ANGPT1: variants seen among roughly 807,000 people sequenced by gnomAD.
The protein encoded by ANGPT1 is angiopoietin 1.
Under a neutral mutation model 62.2 loss-of-function variants are expected in ANGPT1, and 17 were observed. That is an observed-to-expected ratio of 0.27 (90% confidence interval 0.19 to 0.41). The LOEUF is 0.41. Ranked by LOEUF, ANGPT1 falls within the 10% of genes least tolerant of loss-of-function variation. The pLI is 1.00. For synonymous variants in ANGPT1, 199 were observed against 198.9 expected (o/e 1.00, Z 0.00); for missense variants, 478 against 594.9 (o/e 0.80, Z 2.04).
At chr8:107,491,693 G>A (rs568308303) in intron 1 of ANGPT1, among the ~76,000 whole-genome samples, 1 of 152,276 alleles carries the variant, frequency 6.6e-6, no homozygotes, top group East Asian at 1.9e-4. Context: ...GTCGTTTGAA[G>A]GTAGTAAATG....
At position 107,249,710 on chromosome 8, in the gene ANGPT1, G is replaced by C. The variant is rs1311326241; in HGVS notation, c.*2145C>G. On this transcript the variant is annotated 3_prime_UTR_variant, in exon 9 of 9. Transcript: ENST00000517746. ...TATACTGATTTATTATAAATAATTG[G>C]AAACAATATTTCATTTCTCAAACCC... is the stretch of plus-strand genomic sequence containing the variant. The C allele has an allele frequency of 6.6e-6, 1 of 151,892 alleles. No individual in the cohort carries two copies. The highest frequency in any genetic ancestry group is 1.5e-5 in the Non-Finnish European group (1 of 67,942). The allele number at this position is 151,892 out of a possible 1,614,324, so 9.4% of individuals were successfully genotyped here.
At position 107,333,944 on chromosome 8, in the gene ANGPT1, A is replaced by C. The variant is rs57857219; in HGVS notation, c.575+2206T>G. Among the ~76,000 whole-genome samples, 9 of 142,272 alleles carry C rather than the reference A, an allele frequency of 6.3e-5. 1 individual carries two copies. Among genetic ancestry groups the C allele is most frequent in the Admixed American group, 2.1e-4 (3 of 14,188 alleles). The allele number at this position is 142,272 out of a possible 152,430, so 93.3% of individuals were successfully genotyped here. On this transcript the variant is annotated intron_variant, in intron 3 of 8. Coordinates refer to ENST00000517746, the MANE Select transcript of ANGPT1 (RefSeq NM_001146.5). ...AGAGAAAGAAAGAAAGAAAGAAAGA[A>C]AAAGAAAGAAAGAAAAGAAAGAAAG...
intron 1 of ANGPT1, among the ~76,000 whole-genome samples, chr8:107,455,714 G>A (rs967455386): frequency 1.3e-5 from 2 of 152,068 alleles, no homozygotes; most frequent in East Asian, 1.9e-4. Flanking sequence ...TTTTGTTTTC[G>A]TTGTTAAATA....
intron 8 of ANGPT1, among the ~76,000 whole-genome samples, chr8:107,261,482 G>A (rs1813489914): frequency 6.6e-6 from 1 of 151,994 alleles, no homozygotes; most frequent in South Asian, 2.1e-4. Flanking sequence ...GAGGCGGTCG[G>A]ATCATGAGGT....
chr8:107,348,204 G>C (rs977084555), intron 1 of ANGPT1, among the ~76,000 whole-genome samples: 3 of 152,084 alleles, frequency 2.0e-5, no homozygotes, highest in African/African-American at 7.2e-5. Flanking sequence ...ATGACAAGTC[G>C]TGCTTCACAA....
intron 1 of ANGPT1, among the ~76,000 whole-genome samples, chr8:107,444,953 T>C (rs1285356879): frequency 3.9e-5 from 6 of 152,210 alleles, no homozygotes; most frequent in Admixed American, 1.3e-4. Flanking sequence ...CAAATTAACA[T>C]ATCTTGAGAT....
intron 7 of ANGPT1, among the ~76,000 whole-genome samples, chr8:107,271,323 T>C (rs1260845022): frequency 6.6e-6 from 1 of 152,084 alleles, no homozygotes; most frequent in East Asian, 1.9e-4. Flanking sequence ...AAAAGACTGC[T>C]GCATGCAAAA....
chr8:107,469,336 T>C (rs1295496993), intron 1 of ANGPT1, among the ~76,000 whole-genome samples: 1 of 152,086 alleles, frequency 6.6e-6, no homozygotes, highest in African/African-American at 2.4e-5. Flanking sequence ...ACTTGATTGA[T>C]ATTCAGTTCC....
At chr8:107,311,936 C>T (rs1586212443) in intron 4 of ANGPT1, among the ~76,000 whole-genome samples, 1 of 151,954 alleles carries the variant, frequency 6.6e-6, no homozygotes, top group South Asian at 2.1e-4. Flanking sequence ...TGGTGGCGGG[C>T]GCCTGTAGTC....
At chr8:107,356,552 TA>T (rs892447462) in intron 1 of ANGPT1, among the ~76,000 whole-genome samples, 18 of 150,706 alleles carry the variant, frequency 1.2e-4, no homozygotes, top group African/African-American at 2.2e-4. Flanking sequence ...TCCTTTAATA[TA>T]AAAAAAAATA....
intron 1 of ANGPT1, among the ~76,000 whole-genome samples, chr8:107,476,542 C>T (rs113972799): frequency 0.12 from 17,972 of 152,038 alleles, 1,235 homozygotes; most frequent in Non-Finnish European, 0.16. Context: ...ACATATGTAA[C>T]AAACCTGCAC....
At chr8:107,459,375 C>A (rs1019369613) in intron 1 of ANGPT1, among the ~76,000 whole-genome samples, 1 of 151,980 alleles carries the variant, frequency 6.6e-6, no homozygotes, top group African/African-American at 2.4e-5. Context: ...CATGGTGAAA[C>A]CCTGTGTCTA....
chr8:107,378,709 C>T lies in ANGPT1; in HGVS notation c.298-31612G>A, dbSNP rs1414886809. The stretch of plus-strand genomic sequence containing the variant: ...CTTGCGAGATCTGATGGTTTTATAA[C>T]GGGCTCTTCCCCCTTCCCTTGGCAC... On this transcript the variant is annotated intron_variant, in intron 1 of 8. Transcript: ENST00000517746. 3.9e-5 allele frequency among the ~76,000 whole-genome samples: 6 copies of T among 152,122 alleles called. 1 individual carries two copies. Among genetic ancestry groups the T allele is most frequent in the South Asian group, 4.2e-4 (2 of 4,818 alleles).
intron 1 of ANGPT1, among the ~76,000 whole-genome samples, chr8:107,454,113 C>T (rs1453736165): frequency 1.3e-5 from 2 of 152,012 alleles, no homozygotes; most frequent in Non-Finnish European, 2.9e-5. Flanking sequence ...TACCTATTTT[C>T]ATGTTCCTTC....
intron 1 of ANGPT1, among the ~76,000 whole-genome samples, chr8:107,386,073 A>G (rs891416697): frequency 2.6e-5 from 4 of 152,114 alleles, no homozygotes; most frequent in African/African-American, 9.7e-5. Context: ...TTAAAAAAAA[A>G]TCAGATCCTG....
chr8:107,467,635 G>C (rs927098171), intron 1 of ANGPT1, among the ~76,000 whole-genome samples: 2 of 152,046 alleles, frequency 1.3e-5, no homozygotes, highest in African/African-American at 4.8e-5. Flanking sequence ...TTTCTGCATT[G>C]TTAGGAACAC....
rs781428137 is a variant in ANGPT1 at position 107,400,561 on chromosome 8, C to CT, written c.298-53465dup. Among the ~76,000 whole-genome samples, 766 of 142,480 alleles carry CT rather than the reference C, an allele frequency of 5.4e-3. 5 individuals are homozygous for CT. Among genetic ancestry groups the CT allele is most frequent in the African/African-American group, 0.014 (528 of 39,038 alleles). The allele number at this position is 142,480 out of a possible 152,430, so 93.5% of individuals were successfully genotyped here. ...ACACTCCTGCACTTCACATTTCTTTCTTTTTTTTTTTTTTTTGAGACGGAG... is the reference window on the plus strand; with the variant it reads ...ACACTCCTGCACTTCACATTTCTTTCTTTTTTTTTTTTTTTTTGAGACGGAG... On this transcript the variant is annotated intron_variant, in intron 1 of 8. Transcript: ENST00000517746.
At chr8:107,271,356 G>A (rs1298332349) in intron 7 of ANGPT1, among the ~76,000 whole-genome samples, 2 of 152,014 alleles carry the variant, frequency 1.3e-5, no homozygotes, top group African/African-American at 4.8e-5. Context: ...TTGACTATTT[G>A]CAAAAAAATT....
intron 5 of ANGPT1, among the ~76,000 whole-genome samples, chr8:107,302,106 T>C (rs887321794): frequency 2.6e-5 from 4 of 151,920 alleles, no homozygotes; most frequent in South Asian, 2.1e-4. Flanking sequence ...TGAGACCTAC[T>C]ATGTGCCAGA....
Sources: gnomAD v4.1 joint callset for allele counts (sites outside exome capture counted in the v4.1 genomes callset) on GRCh38, gnomAD v4.1.1 for gene constraint, MANE v1.5 for transcripts, NCBI Gene and HGNC (gene_info 2026-07-23, HGNC 2026-07-21) for gene names.